The following WARS2 variants were observed in gnomAD, a reference collection of about 807,000 sequenced individuals.
The protein encoded by WARS2 is tryptophanyl tRNA synthetase 2, mitochondrial, also known as tryptophan--tRNA ligase, mitochondrial.
A neutral mutation model predicts 36.5 loss-of-function variants in WARS2; 28 were observed. That is an observed-to-expected ratio of 0.77 (90% CI 0.57 to 1.05). WARS2 has a LOEUF of 1.05. WARS2 is among the 50% of genes least tolerant of loss of function. WARS2 has a pLI of 0.00. For missense variants in WARS2, 435 were observed against 456.8 expected (o/e 0.95, Z 0.44); for synonymous variants, 174 against 178.4 (o/e 0.98, Z 0.20).
At chr1:119,127,080 AGAC>A in intron 1 of WARS2, 1 of 758,672 alleles carries the variant, frequency 1.3e-6, no homozygotes, top group South Asian at 1.3e-5. Context: ...CAAATCAGTA[AGAC>A]TCACTTCAAG....
chr1:119,121,670 G>C (rs1655334088), intron 1 of WARS2, among the ~76,000 whole-genome samples: 1 of 152,070 alleles, frequency 6.6e-6, no homozygotes, highest in African/African-American at 2.4e-5. Context: ...TACCAAAACA[G>C]CACAGTACTA....
intron 1 of WARS2, chr1:119,140,278 G>C: frequency 2.9e-6 from 1 of 341,762 alleles, no homozygotes; most frequent in Admixed American, 4.6e-5. Context: ...CGCGTTGCCC[G>C]GCAACAGCGG....
intron 2 of WARS2, among the ~76,000 whole-genome samples, chr1:119,046,298 T>G (rs1307185026): frequency 1.7e-4 from 26 of 150,336 alleles, no homozygotes; most frequent in African/African-American, 3.9e-4. Flanking sequence ...TTTTTTTTTT[T>G]TTTTTTTTTT....
intron 1 of WARS2, among the ~76,000 whole-genome samples, chr1:119,091,794 T>C (rs587704426): frequency 9.2e-5 from 14 of 152,230 alleles, no homozygotes; most frequent in East Asian, 1.9e-4. Flanking sequence ...ACTGGGAAGA[T>C]TGATGGTTTC....
chr1:119,130,194 A>T (rs938870666), intron 1 of WARS2, among the ~76,000 whole-genome samples: 6 of 152,198 alleles, frequency 3.9e-5, no homozygotes, highest in Non-Finnish European at 8.8e-5. Flanking sequence ...TATTTCCTTT[A>T]TAAGTTGAAG....
intron 1 of WARS2, among the ~76,000 whole-genome samples, chr1:119,130,631 A>G (rs1376731998): frequency 6.6e-6 from 1 of 152,210 alleles, no homozygotes; most frequent in African/African-American, 2.4e-5. Context: ...ATAAAAATGC[A>G]CACAAAAATG....
At chr1:119,063,104 G>A (rs1233641363) in intron 2 of WARS2, 1 of 152,724 alleles carries the variant, frequency 6.5e-6, no homozygotes. Flanking sequence ...ATAATGTACA[G>A]ACTGAGGTGG....
At chr1:119,132,456 G>A (rs143527683) in intron 1 of WARS2, among the ~76,000 whole-genome samples, 125 of 152,138 alleles carry the variant, frequency 8.2e-4, no homozygotes, top group African/African-American at 1.3e-3. Context: ...CTCCAACTTC[G>A]CACTGCACAC....
intron 4 of WARS2, among the ~76,000 whole-genome samples, chr1:119,037,823 A>T (rs1213038160): frequency 6.6e-6 from 1 of 152,202 alleles, no homozygotes; most frequent in East Asian, 1.9e-4. Flanking sequence ...CAGTCCTATC[A>T]GTTTTACTTC....
intron 1 of WARS2, among the ~76,000 whole-genome samples, chr1:119,125,094 TA>T (rs2101548271): frequency 6.6e-6 from 1 of 152,330 alleles, no homozygotes; most frequent in South Asian, 2.1e-4. Flanking sequence ...GTAAGTGCTA[TA>T]TAGTATTTGT....
chr1:119,106,046 GAT>G (rs1342234036), intron 1 of WARS2, among the ~76,000 whole-genome samples: 4 of 152,300 alleles, frequency 2.6e-5, no homozygotes, highest in African/African-American at 9.6e-5. Flanking sequence ...TAATAAGAAA[GAT>G]AGGTAGGAAA....
intron 1 of WARS2, among the ~76,000 whole-genome samples, chr1:119,113,095 G>A (rs1455079069): frequency 6.6e-6 from 1 of 152,186 alleles, no homozygotes; most frequent in Non-Finnish European, 1.5e-5. Context: ...AATGCTAAAA[G>A]GTGATATTTG....
At chr1:119,103,885 GA>G (rs1001051913) in intron 1 of WARS2, among the ~76,000 whole-genome samples, 10 of 150,320 alleles carry the variant, frequency 6.7e-5, no homozygotes, top group Non-Finnish European at 1.3e-4. Context: ...TTAATTAAAA[GA>G]AAAAATAGAT....
At chr1:119,094,714 TTA>T (rs1653291190) in intron 1 of WARS2, among the ~76,000 whole-genome samples, 4 of 152,146 alleles carry the variant, frequency 2.6e-5, no homozygotes, top group Admixed American at 6.5e-5. Context: ...AAATTCTGAT[TTA>T]ATATCAATCC....
At chr1:119,091,825 G>A (rs1255040313) in intron 1 of WARS2, among the ~76,000 whole-genome samples, 1 of 152,160 alleles carries the variant, frequency 6.6e-6, no homozygotes, top group African/African-American at 2.4e-5. Flanking sequence ...TTTCCCCAAT[G>A]TGTCGGCCTG....
chr1:119,103,132 T>C (rs1653987988), intron 1 of WARS2, among the ~76,000 whole-genome samples: 1 of 152,252 alleles, frequency 6.6e-6, no homozygotes, highest in Non-Finnish European at 1.5e-5. Context: ...GAATTGCTCA[T>C]CGAATTGACC....
chr1:119,128,350 C>T (rs1655831614), intron 1 of WARS2, among the ~76,000 whole-genome samples: 1 of 152,046 alleles, frequency 6.6e-6, no homozygotes, highest in Non-Finnish European at 1.5e-5. Context: ...GGATTATAGG[C>T]TAAATTCTAA....
chr1:119,085,922 A>G (rs1652621670), intron 1 of WARS2: 4 of 1,609,344 alleles, frequency 2.5e-6, no homozygotes, highest in South Asian at 1.1e-5. Context: ...CATTCAGCTC[A>G]TTGATCAGCT....
chr1:119,099,276 A>T (rs892835329), intron 1 of WARS2, among the ~76,000 whole-genome samples: 9 of 152,170 alleles, frequency 5.9e-5, no homozygotes, highest in Admixed American at 3.9e-4. Flanking sequence ...CAGGATCAGG[A>T]TGTTTTGAAT....
Sources: allele counts gnomAD v4.1 joint callset (sites outside exome capture counted in the v4.1 genomes callset), GRCh38; gene constraint gnomAD v4.1.1; transcripts MANE v1.5; gene names NCBI Gene and HGNC (gene_info 2026-07-23, HGNC 2026-07-21).